Variants in CNTNAP2 observed in about 807,000 individuals in gnomAD.
CNTNAP2 encodes contactin associated protein 2.
In CNTNAP2, 98 loss-of-function variants were observed where a neutral mutation model predicts 155.2. The ratio of observed to expected loss-of-function variants is 0.63; its 90% CI spans 0.54 to 0.75. The LOEUF (loss-of-function observed/expected upper bound fraction) is 0.75. CNTNAP2 is among the 30% of genes least tolerant of loss of function. CNTNAP2 has a pLI of 0.00. For missense variants in CNTNAP2, 1,727 were observed against 1,688.1 expected (o/e 1.02, Z -0.40); for synonymous variants, 651 against 631.2 (o/e 1.03, Z -0.47).
At chr7:146,876,413 ATTG>A (rs751396055) in intron 3 of CNTNAP2, among the ~76,000 whole-genome samples, 1 of 152,162 alleles carries the variant, frequency 6.6e-6, no homozygotes, top group Non-Finnish European at 1.5e-5. Flanking sequence ...AAGAAAGCAT[ATTG>A]TTCATATCAT....
chr7:147,618,821 G>GC (rs1229828055), intron 12 of CNTNAP2, among the ~76,000 whole-genome samples: 1 of 151,880 alleles, frequency 6.6e-6, no homozygotes, highest in African/African-American at 2.4e-5. Context: ...TCAGTCCCTG[G>GC]CCAGAGCTCC....
Position 146,688,929 on chromosome 7 carries a change from G to A in CNTNAP2, c.98-85342G>A, listed in dbSNP as rs116531961. 9.4e-3 allele frequency among the ~76,000 whole-genome samples: 1,438 copies of A among 152,200 alleles called. 23 individuals carry two copies. Among genetic ancestry groups the A allele is most frequent in the African/African-American group, 0.032 (1,329 of 41,546 alleles). On this transcript the variant is annotated intron_variant, in intron 1 of 23. Transcript: ENST00000361727. Reference sequence around the variant, plus strand: ...AAATGTCTGGTAAAAATTATAGTATGTAAAACTAAGATATTTAGCTATGAA... The same window carrying A: ...AAATGTCTGGTAAAAATTATAGTATATAAAACTAAGATATTTAGCTATGAA...
chr7:146,130,684 T>G (rs1451212520), intron 1 of CNTNAP2, among the ~76,000 whole-genome samples: 1 of 152,214 alleles, frequency 6.6e-6, no homozygotes, highest in Non-Finnish European at 1.5e-5. Context: ...GTTTTCACAC[T>G]GCTATAAAGG....
intron 20 of CNTNAP2, among the ~76,000 whole-genome samples, chr7:148,254,648 C>T (rs919175197): frequency 6.6e-6 from 1 of 151,910 alleles, no homozygotes; most frequent in Non-Finnish European, 1.5e-5. Context: ...TGGTGGCGGG[C>T]ACCTGTAGTC....
intron 23 of CNTNAP2, among the ~76,000 whole-genome samples, chr7:148,413,401 A>AAAAAATATATATATAT (rs1442990213): frequency 4.4e-5 from 2 of 45,364 alleles, no homozygotes; most frequent in African/African-American, 2.5e-4. Context: ...TCAAAAAAAA[A>AAAAAATATATATATAT]ATATATATAT....
At chr7:147,818,596 G>A (rs1449129371) in intron 13 of CNTNAP2, among the ~76,000 whole-genome samples, 2 of 152,130 alleles carry the variant, frequency 1.3e-5, no homozygotes, top group Non-Finnish European at 2.9e-5. Flanking sequence ...TTGGAAATAG[G>A]TGGAGCCACT....
intron 1 of CNTNAP2, among the ~76,000 whole-genome samples, chr7:146,583,386 C>T (rs1471587708): frequency 6.6e-6 from 1 of 151,970 alleles, no homozygotes; most frequent in Non-Finnish European, 1.5e-5. Context: ...TTTTCAAACC[C>T]CAGTGAGGGA....
chr7:146,812,125 GACA>G (rs1803077404), intron 2 of CNTNAP2, among the ~76,000 whole-genome samples: 1 of 152,094 alleles, frequency 6.6e-6, no homozygotes, highest in Non-Finnish European at 1.5e-5. Flanking sequence ...CTGGGTAACA[GACA>G]GAGCTTGGAA....
chr7:147,728,747 A>C (rs1159092222), intron 13 of CNTNAP2, among the ~76,000 whole-genome samples: 1 of 151,984 alleles, frequency 6.6e-6, no homozygotes, highest in African/African-American at 2.4e-5. Flanking sequence ...GGACTCATTC[A>C]CTTGGGAACC....
intron 4 of CNTNAP2, among the ~76,000 whole-genome samples, chr7:147,046,384 A>T (rs1049971660): frequency 6.6e-6 from 1 of 152,206 alleles, no homozygotes; most frequent in African/African-American, 2.4e-5. Flanking sequence ...ATTATTTTAC[A>T]CTTGACTTCT....
At chr7:146,851,495 T>G (rs1364395683) in intron 3 of CNTNAP2, among the ~76,000 whole-genome samples, 1 of 152,074 alleles carries the variant, frequency 6.6e-6, no homozygotes, top group African/African-American at 2.4e-5. Flanking sequence ...AGAAATTTAC[T>G]CTCTCACAGT....
chr7:147,891,985 A>T (rs1392570491), intron 13 of CNTNAP2, among the ~76,000 whole-genome samples: 2 of 152,210 alleles, frequency 1.3e-5, no homozygotes, highest in Non-Finnish European at 1.5e-5. Context: ...CGATTTTTTT[A>T]AAAGTACTAT....
At chr7:147,916,737 A>G (rs898905235) in intron 14 of CNTNAP2, among the ~76,000 whole-genome samples, 5 of 152,048 alleles carry the variant, frequency 3.3e-5, no homozygotes, top group Admixed American at 2.6e-4. Flanking sequence ...AGATCAAATT[A>G]AAAGAGATGT....
chr7:146,377,553 A>C (rs1178536309), intron 1 of CNTNAP2, among the ~76,000 whole-genome samples: 1 of 152,140 alleles, frequency 6.6e-6, no homozygotes, highest in Non-Finnish European at 1.5e-5. Context: ...TCTAATGAGA[A>C]TCTGAAACAT....
intron 1 of CNTNAP2, among the ~76,000 whole-genome samples, chr7:146,277,988 T>A (rs1269126338): frequency 1.3e-5 from 2 of 152,172 alleles, no homozygotes; most frequent in Non-Finnish European, 2.9e-5. Context: ...GTTATCATCT[T>A]ACTATGTAAC....
intron 18 of CNTNAP2, among the ~76,000 whole-genome samples, chr7:148,182,181 C>G (rs1248678560): frequency 6.6e-6 from 1 of 152,088 alleles, no homozygotes; most frequent in Admixed American, 6.6e-5. Flanking sequence ...GATCAGAACT[C>G]TAAATAATGT....
chr7:146,424,459 GTCTACTAGGAAA>G, intron 1 of CNTNAP2, among the ~76,000 whole-genome samples: 2 of 152,260 alleles, frequency 1.3e-5, no homozygotes, highest in Middle Eastern at 3.4e-3. Context: ...TGTACGAAAT[GTCTACTAGGAAA>G]TCTTGCCCAA....
chr7:146,606,770 T>A (rs1799055054), intron 1 of CNTNAP2, among the ~76,000 whole-genome samples: 1 of 152,230 alleles, frequency 6.6e-6, no homozygotes, highest in Admixed American at 6.5e-5. Context: ...GTGTCTTGTA[T>A]GGTTTCAACA....
At chr7:146,413,623 C>G (rs1161716783) in intron 1 of CNTNAP2, among the ~76,000 whole-genome samples, 7 of 152,004 alleles carry the variant, frequency 4.6e-5, no homozygotes. Context: ...CCTTTTCTTC[C>G]TTTTACTTGT....
Sources: allele counts gnomAD v4.1 joint callset (sites outside exome capture counted in the v4.1 genomes callset), GRCh38; gene constraint gnomAD v4.1.1; transcripts MANE v1.5; gene names NCBI Gene and HGNC (gene_info 2026-07-23, HGNC 2026-07-21).